RPS6KC1: variants seen among roughly 807,000 people sequenced by gnomAD.
RPS6KC1 encodes ribosomal protein S6 kinase C1.
RPS6KC1 carries 54 observed loss-of-function variants against 103.8 expected under a neutral mutation model. That is an observed-to-expected ratio of 0.52 (90% CI 0.42 to 0.65). The LOEUF is 0.65. Among genes scored for constraint, RPS6KC1 ranks in the 30% least tolerant of loss-of-function variants. The pLI, the probability that RPS6KC1 is intolerant of heterozygous loss-of-function variation, is 0.00. For synonymous variants in RPS6KC1, 439 were observed against 438.7 expected (o/e 1.00, Z -0.01); for missense variants, 1,151 against 1,253.8 (o/e 0.92, Z 1.24).
the RPS6KC1 span, among the ~76,000 whole-genome samples, chr1:213,466,079 G>A: frequency 2.0e-5 from 3 of 152,072 alleles, no homozygotes; most frequent in Non-Finnish European, 4.4e-5. Flanking sequence ...CTTTGATACT[G>A]CTTCTCCCCA....
At chr1:213,391,061 C>T in the RPS6KC1 span, among the ~76,000 whole-genome samples, 1 of 152,100 alleles carries the variant, frequency 6.6e-6, no homozygotes, top group Admixed American at 6.5e-5. Flanking sequence ...TACTCACCTC[C>T]TGAATTCACT....
intron 10 of RPS6KC1, among the ~76,000 whole-genome samples, chr1:213,235,879 A>C (rs1573504196): frequency 1.3e-5 from 2 of 152,330 alleles, no homozygotes; most frequent in East Asian, 3.9e-4. Context: ...AAGGAAAAGC[A>C]GGGAGACCAA....
downstream of RPS6KC1, among the ~76,000 whole-genome samples, chr1:213,279,436 G>T (rs1375526312): frequency 1.3e-5 from 2 of 152,132 alleles, no homozygotes; most frequent in African/African-American, 4.8e-5. Flanking sequence ...ACCAGAGAGA[G>T]ACAAACCAGG....
At chr1:213,221,865 T>A (rs752326280) in intron 8 of RPS6KC1, among the ~76,000 whole-genome samples, 1 of 152,234 alleles carries the variant, frequency 6.6e-6, no homozygotes, top group African/African-American at 2.4e-5. Context: ...CATTTTGGAT[T>A]TTAATAACTA....
At chr1:213,836,580 G>A in the RPS6KC1 span, among the ~76,000 whole-genome samples, 1 of 150,480 alleles carries the variant, frequency 6.6e-6, no homozygotes. Flanking sequence ...TAAAGAGTAA[G>A]TGTCCTCTCA....
chr1:213,212,797 T>C (rs1028987445), intron 8 of RPS6KC1, among the ~76,000 whole-genome samples: 13 of 152,352 alleles, frequency 8.5e-5, no homozygotes, highest in African/African-American at 3.1e-4. Flanking sequence ...TGTAGTGATA[T>C]CTTGTTTCAA....
the RPS6KC1 span, among the ~76,000 whole-genome samples, chr1:213,448,852 A>C: frequency 6.6e-6 from 1 of 151,754 alleles, no homozygotes; most frequent in East Asian, 1.9e-4. Flanking sequence ...TTTATAGAAC[A>C]TCTTGAGCTT....
chr1:213,418,944 T>A, the RPS6KC1 span, among the ~76,000 whole-genome samples: 1 of 152,244 alleles, frequency 6.6e-6, no homozygotes, highest in Non-Finnish European at 1.5e-5. Context: ...TCCCTCTGGA[T>A]GCTGCTCTTG....
At chr1:213,673,104 A>G in the RPS6KC1 span, among the ~76,000 whole-genome samples, 3 of 152,204 alleles carry the variant, frequency 2.0e-5, no homozygotes, top group Non-Finnish European at 2.9e-5. Flanking sequence ...CGAAGTTTCC[A>G]TGTGACTCTG....
chr1:213,807,184 C>T, the RPS6KC1 span, among the ~76,000 whole-genome samples: 1 of 152,204 alleles, frequency 6.6e-6, no homozygotes, highest in East Asian at 1.9e-4. Context: ...TGTGGGTAAC[C>T]TGACCTTTCT....
chr1:213,831,152 G>A, the RPS6KC1 span, among the ~76,000 whole-genome samples: 2 of 152,148 alleles, frequency 1.3e-5, no homozygotes, highest in South Asian at 2.1e-4. Flanking sequence ...TCTGGTGGTA[G>A]GCAGAATAAT....
the RPS6KC1 span, among the ~76,000 whole-genome samples, chr1:213,577,002 C>A: frequency 6.6e-6 from 1 of 152,156 alleles, no homozygotes; most frequent in Non-Finnish European, 1.5e-5. Context: ...CACAACATTC[C>A]CTTAAGCCAA....
chr1:213,368,771 G>A, the RPS6KC1 span, among the ~76,000 whole-genome samples: 3 of 152,286 alleles, frequency 2.0e-5, no homozygotes, highest in Non-Finnish European at 2.9e-5. Context: ...GCCAGTCTGC[G>A]GACAGATATG....
chr1:213,453,882 A>G, the RPS6KC1 span, among the ~76,000 whole-genome samples: 1 of 152,190 alleles, frequency 6.6e-6, no homozygotes, highest in African/African-American at 2.4e-5. Context: ...ATACATGGAT[A>G]TTTTTCAAAA....
chr1:213,534,456 A>G, the RPS6KC1 span, among the ~76,000 whole-genome samples: 11 of 152,326 alleles, frequency 7.2e-5, no homozygotes, highest in African/African-American at 2.6e-4. Context: ...CAGAGAGGTT[A>G]CCAGGCTTCC....
the RPS6KC1 span, among the ~76,000 whole-genome samples, chr1:213,554,065 T>C: frequency 6.6e-6 from 1 of 152,198 alleles, no homozygotes; most frequent in East Asian, 1.9e-4. Flanking sequence ...TTGGTTGCAA[T>C]TGCTTTTGAA....
At chr1:213,844,193 C>T in the RPS6KC1 span, among the ~76,000 whole-genome samples, 98 of 152,262 alleles carry the variant, frequency 6.4e-4, no homozygotes, top group Non-Finnish European at 1.2e-3. Flanking sequence ...TTTTAGAAAA[C>T]TCTAGCTAGG....
At chr1:213,415,759 T>A in the RPS6KC1 span, among the ~76,000 whole-genome samples, 1 of 152,198 alleles carries the variant, frequency 6.6e-6, no homozygotes, top group African/African-American at 2.4e-5. Context: ...ACTCCAGGAT[T>A]GTAGCTGTGG....
chr1:213,213,884 A>G (rs1481954850), intron 8 of RPS6KC1, among the ~76,000 whole-genome samples: 1 of 152,218 alleles, frequency 6.6e-6, no homozygotes, highest in Admixed American at 6.5e-5. Flanking sequence ...TTAAAAAACC[A>G]TCATACTGGG....
Sources: gnomAD v4.1 joint callset for allele counts (sites outside exome capture counted in the v4.1 genomes callset) on GRCh38, gnomAD v4.1.1 for gene constraint, MANE v1.5 for transcripts, NCBI Gene and HGNC (gene_info 2026-07-23, HGNC 2026-07-21) for gene names.